EXT1: variants seen among roughly 807,000 people sequenced by gnomAD.
The protein encoded by EXT1 is exostosin-1.
Under a neutral mutation model 82.5 loss-of-function variants are expected in EXT1, and 20 were observed. The observed-to-expected ratio is 0.24, with a 90% CI of 0.17 to 0.35. The LOEUF (loss-of-function observed/expected upper bound fraction) is 0.35, where lower values mean the gene tolerates loss of function less well. Among genes scored for constraint, EXT1 ranks in the 10% least tolerant of loss-of-function variants. EXT1 has a pLI of 1.00. For missense variants in EXT1, 757 were observed against 936.5 expected (o/e 0.81, Z 2.50); for synonymous variants, 348 against 350.8 (o/e 0.99, Z 0.09).
At chr8:117,929,921 A>T (rs531814997) in intron 1 of EXT1, among the ~76,000 whole-genome samples, 1 of 152,282 alleles carries the variant, frequency 6.6e-6, no homozygotes, top group East Asian at 1.9e-4. Context: ...CACCCTGGCC[A>T]ACACAGTGAA....
At position 117,923,519 on chromosome 8, in the gene EXT1, C is replaced by T. The variant is rs541365344; in HGVS notation, c.963-86318G>A. Among the ~76,000 whole-genome samples the T allele has an allele frequency of 4.8e-3, 732 of 151,656 alleles. 8 individuals carry two copies. Among genetic ancestry groups the T allele is most frequent in the African/African-American group, 0.016 (651 of 41,322 alleles). The stretch of plus-strand genomic sequence containing the variant: ...GATCACGAGGTCAGGAGATCGAGAC[C>T]ATCCTGGCTAACACGGTGAAACCCC... On this transcript the variant is annotated intron_variant, in intron 1 of 10. Transcript: ENST00000378204.
chr8:117,915,078 A>C (rs758127768), intron 1 of EXT1, among the ~76,000 whole-genome samples: 2 of 152,104 alleles, frequency 1.3e-5, no homozygotes, highest in Non-Finnish European at 2.9e-5. Context: ...CCAATATGTG[A>C]TGTCACCCCC....
At chr8:118,100,880 T>C (rs1036822028) in intron 1 of EXT1, among the ~76,000 whole-genome samples, 8 of 152,100 alleles carry the variant, frequency 5.3e-5, no homozygotes, top group African/African-American at 1.9e-4. Flanking sequence ...CTTCCACCCC[T>C]ACCCCACACA....
chr8:118,089,203 C>T (rs1257636129), intron 1 of EXT1, among the ~76,000 whole-genome samples: 3 of 152,068 alleles, frequency 2.0e-5, no homozygotes, highest in Non-Finnish European at 2.9e-5. Context: ...AATTAGTTTT[C>T]ACCCCAAAGC....
chr8:117,818,629 C>T (rs1811868146), intron 6 of EXT1, 99 bp from the exon 7 acceptor site: 1 of 990,038 alleles, frequency 1.0e-6, no homozygotes, highest in Non-Finnish European at 1.6e-6. Flanking sequence ...GAAAGAGGAG[C>T]TGGAAATCTC....
At chr8:118,010,095 T>TA (rs2129831428) in intron 1 of EXT1, among the ~76,000 whole-genome samples, 1 of 152,290 alleles carries the variant, frequency 6.6e-6, no homozygotes, top group East Asian at 1.9e-4. Flanking sequence ...TGTTAGGACT[T>TA]AGAGTTGGCA....
At chr8:117,967,488 A>G (rs1345772734) in intron 1 of EXT1, among the ~76,000 whole-genome samples, 1 of 151,802 alleles carries the variant, frequency 6.6e-6, no homozygotes, top group African/African-American at 2.4e-5. Flanking sequence ...TCCATGCTTA[A>G]AAGTTCAGCA....
rs57727618 is a variant in EXT1, at chr8:117,814,234, G to GGTGTGTGTGTGTGTGTGTGT, written c.1633-1293_1633-1274dup. Among the ~76,000 whole-genome samples the GGTGTGTGTGTGTGTGTGTGT allele has an allele frequency of 4.8e-5, 7 of 146,820 alleles. No homozygotes were observed. The South Asian group carries it at 8.9e-4, about 19-fold the overall frequency. ...GGTGGACTACGTGTGCACACACAGT[G>GGTGTGTGTGTGTGTGTGTGT]GTGTGTGTGTGTGTGTGTGTGTGTG... On this transcript the variant is annotated intron_variant, in intron 7 of 10. Coordinates refer to ENST00000378204, the MANE Select transcript of EXT1 (RefSeq NM_000127.3).
chr8:117,824,691 T>C (rs1256733243), intron 4 of EXT1, among the ~76,000 whole-genome samples: 2 of 152,232 alleles, frequency 1.3e-5, no homozygotes, highest in East Asian at 3.8e-4. Flanking sequence ...ATAGTGGTAA[T>C]AGTATAGATA....
chr8:118,028,308 CA>C (rs1198095324), intron 1 of EXT1, among the ~76,000 whole-genome samples: 1 of 152,204 alleles, frequency 6.6e-6, no homozygotes, highest in Non-Finnish European at 1.5e-5. Context: ...AAATTCTTTC[CA>C]AAACATATTT....
chr8:117,799,249 T>C lies in EXT1; in HGVS notation c.*463A>G, dbSNP rs528157061. The C allele has an allele frequency of 1.6e-5, 3 of 187,658 alleles. No individual in the cohort carries two copies. The highest frequency in any genetic ancestry group is 1.4e-4 in the South Asian group (1 of 6,936). The allele number at this position is 187,658 out of a possible 1,614,324, so 11.6% of individuals were successfully genotyped here. A position where few individuals can be genotyped will look rare whatever the true frequency, so the allele number is the denominator to read the frequency against. On this transcript the variant is annotated 3_prime_UTR_variant, in exon 11 of 11. Transcript: ENST00000378204. ...TCTTGATAATGGGTAGAGTGACTTA[T>C]TGTGTTTTCCACGAAGTTTGAGCTT...
intron 1 of EXT1, among the ~76,000 whole-genome samples, chr8:117,970,839 A>G (rs1814925183): frequency 6.6e-6 from 1 of 152,182 alleles, no homozygotes; most frequent in South Asian, 2.1e-4. Context: ...AGCAGTTCTA[A>G]TGCTGCCACT....
chr8:117,997,271 T>C (rs1815565302), intron 1 of EXT1, among the ~76,000 whole-genome samples: 1 of 54,082 alleles, frequency 1.8e-5, no homozygotes, highest in Non-Finnish European at 4.7e-5. Context: ...ATACACACTT[T>C]ATATATATAT....
At chr8:118,054,187 C>T (rs2129929486) in intron 1 of EXT1, among the ~76,000 whole-genome samples, 1 of 152,318 alleles carries the variant, frequency 6.6e-6, no homozygotes, top group East Asian at 1.9e-4. Context: ...CTTCTCATTT[C>T]TACCATTTTC....
chr8:117,971,237 A>G (rs527760988), intron 1 of EXT1, among the ~76,000 whole-genome samples: 4 of 152,322 alleles, frequency 2.6e-5, no homozygotes, highest in African/African-American at 9.6e-5. Context: ...CTCACTGTAG[A>G]AACTGAAAAG....
chr8:118,013,615 CT>C (rs1289870005), intron 1 of EXT1, among the ~76,000 whole-genome samples: 1 of 152,146 alleles, frequency 6.6e-6, no homozygotes, highest in Admixed American at 6.5e-5. Flanking sequence ...GATGGATGGA[CT>C]TGGAGTCAGA....
At chr8:117,803,487 G>A (rs1051862004) in intron 10 of EXT1, among the ~76,000 whole-genome samples, 5 of 152,128 alleles carry the variant, frequency 3.3e-5, no homozygotes, top group African/African-American at 1.2e-4. Flanking sequence ...ATGAGCCACT[G>A]TGCCTGGCTA....
At chr8:118,104,174 T>G (rs1045441278) in intron 1 of EXT1, among the ~76,000 whole-genome samples, 1 of 152,234 alleles carries the variant, frequency 6.6e-6, no homozygotes, top group Non-Finnish European at 1.5e-5. Context: ...ACACTGTTGT[T>G]GAAAGGTTCT....
At chr8:118,010,362 A>T (rs1475600331) in intron 1 of EXT1, among the ~76,000 whole-genome samples, 2 of 134,072 alleles carry the variant, frequency 1.5e-5, no homozygotes, top group African/African-American at 3.1e-5. Context: ...ACAGAGGGAG[A>T]CTCCGTCTCA....
Sources: gnomAD v4.1 joint callset for allele counts (sites outside exome capture counted in the v4.1 genomes callset) on GRCh38, gnomAD v4.1.1 for gene constraint, MANE v1.5 for transcripts, NCBI Gene and HGNC (gene_info 2026-07-23, HGNC 2026-07-21) for gene names.